The following SMARCC2 variants were observed in gnomAD, a reference collection of about 807,000 sequenced individuals.
SMARCC2 encodes the protein SWI/SNF related BAF chromatin remodeling complex subunit C2.
In SMARCC2, 15 loss-of-function variants were observed where a neutral mutation model predicts 151.3. That is an observed-to-expected ratio of 0.10 (90% confidence interval 0.07 to 0.15). SMARCC2 has a LOEUF of 0.15. SMARCC2 is among the 10% of genes least tolerant of loss of function. The probability of loss-of-function intolerance (pLI) is 1.00; values close to 1 mark genes in which losing one functional copy is unlikely to be tolerated. For synonymous variants in SMARCC2, 590 were observed against 609.5 expected, an observed-to-expected ratio of 0.97 and a Z score of 0.47; for missense variants, 1,031 against 1,599.7, an observed-to-expected ratio of 0.64 and a Z score of 6.06.
rs552827280 is a variant in SMARCC2 at position 56,162,614 on chromosome 12, C to T, written c.*1075G>A. The T allele has an allele frequency of 7.0e-5, 25 of 358,720 alleles. No homozygotes were observed. Among genetic ancestry groups the T allele is most frequent in the Middle Eastern group, 1.6e-3 (2 of 1,224 alleles). 22.2% of individuals were successfully genotyped at this position (358,720 alleles called of 1,614,324 possible). A position where few individuals can be genotyped will look rare whatever the true frequency, so the allele number is the denominator to read the frequency against. On this transcript the variant is annotated 3_prime_UTR_variant, in exon 29 of 29. Transcript: ENST00000550164. ...GAATGCGGGAAGCAGAGTTGAGCTG[C>T]GAGCCAAGGGTTGGTCCAACCCAAG...
At chr12:56,183,382 G>A (rs1409731717) in intron 7 of SMARCC2, 3 of 151,250 alleles carry the variant, frequency 2.0e-5, no homozygotes, top group Non-Finnish European at 4.4e-5. Context: ...TGGCCAGGCT[G>A]GTCTCGAACT....
At position 56,171,500 on chromosome 12, in the gene SMARCC2, G is replaced by T; in HGVS notation, c.2186-68C>A. 2 of 1,595,882 alleles carry T rather than the reference G, an allele frequency of 1.3e-6. No homozygotes were observed. The highest frequency in any genetic ancestry group is 2.2e-5 in the South Asian group (2 of 90,110). ...AACAGTTCTGGCAATCCCTGCAAAA[G>T]CTTACTCACAAGCCCATGTCTTCAT... On this transcript the variant is annotated intron_variant, in intron 21 of 28. Transcript: ENST00000550164. The surrounding 1 kb of genome is among the most constrained non-coding windows in gnomAD (Gnocchi z 4.2).
chr12:56,181,929 CCT>C, intron 8 of SMARCC2, 73 bp downstream of exon 8: 1 of 1,590,330 alleles, frequency 6.3e-7, no homozygotes, highest in Non-Finnish European at 8.6e-7. Context: ...GGCATACAAG[CCT>C]CTGTTTCACT....
rs1184297832 is a variant in SMARCC2 at position 56,181,075 on chromosome 12, T to C, written c.983A>G (p.Lys328Arg). 3 of 1,613,872 alleles carry C rather than the reference T, an allele frequency of 1.9e-6. No homozygotes were observed. The highest frequency in any genetic ancestry group is 2.2e-5 in the South Asian group (2 of 91,056). Residue 328 changes from lysine (K) to arginine (R), a missense_variant, in exon 11 of 29, where the codon AAG becomes AGG. Physicochemically the swap from Lys to Arg is conservative, Grantham distance 26. This residue lies in a region of SMARCC2 where 127 missense variants were observed against 141.7 expected (regional missense o/e 0.90). Transcript: ENST00000550164. ...TTGCTCCTCTTCTCTGTGGCCACGC[T>C]TTGACTTAGTGTAAGGTGTTGAGGG... ...KGPSTPYTKS[K>R]RGHREEEQED...
intron 13 of SMARCC2, 102 bp downstream of exon 13, chr12:56,178,708 C>T: frequency 6.8e-7 from 1 of 1,460,478 alleles, no homozygotes; most frequent in Non-Finnish European, 9.6e-7. Flanking sequence ...AATTAGTCTA[C>T]AGTGGGTAAA....
intron 20 of SMARCC2, 90 bp from the exon 21 acceptor site, chr12:56,172,027 C>T: frequency 1.6e-6 from 2 of 1,238,568 alleles, no homozygotes; most frequent in Non-Finnish European, 2.3e-6. Context: ...CAGCTGGTTT[C>T]AAAGTTCTCT....
At chr12:56,186,667 T>A in intron 2 of SMARCC2, 1 of 208,822 alleles carries the variant, frequency 4.8e-6, no homozygotes, top group Non-Finnish European at 9.8e-6. Flanking sequence ...TGAAATTCTT[T>A]AACCCTTGTG....
chr12:56,174,504 T>C (rs889237478), intron 16 of SMARCC2, 147 bp downstream of exon 16: 4 of 607,238 alleles, frequency 6.6e-6, no homozygotes, highest in Non-Finnish European at 1.2e-5. Flanking sequence ...AAGTCATTCA[T>C]TCCCCAAACC....
chr12:56,171,674 A>G lies in SMARCC2; in HGVS notation c.2185+5T>C. On this transcript the variant is annotated splice_donor_5th_base_variant and intron_variant, in intron 21 of 28. Coordinates refer to ENST00000550164, the MANE Select transcript of SMARCC2 (RefSeq NM_001330288.2). This position sits in a 1 kb window ranked among gnomAD's most constrained non-coding sequence, Gnocchi z 4.2. The stretch of plus-strand genomic sequence containing the variant: ...AGGCCAGGTGGAACCACCCACCCCC[A>G]TTACCTAGGGCTGACTTTGCAGCAG... 1 of 1,534,468 alleles carries G rather than the reference A, an allele frequency of 6.5e-7. No individual in the cohort carries two copies. Among genetic ancestry groups the G allele is most frequent in the South Asian group, 1.3e-5 (1 of 77,682 alleles).
At chr12:56,178,155 G>A in intron 14 of SMARCC2, 62 bp from the exon 15 acceptor site, 5 of 1,358,404 alleles carry the variant, frequency 3.7e-6, no homozygotes, top group Middle Eastern at 2.2e-4. Flanking sequence ...GGGCCCCAAA[G>A]GGAGGAAAAG....
rs750281136 is a variant in SMARCC2, at chr12:56,186,277, T to G, written c.232-37A>C. 9.2e-6 allele frequency: 12 copies of G among 1,300,144 alleles called. No individual in the cohort carries two copies. In the Admixed American group the frequency reaches 1.7e-4, roughly 18 times the overall value. 80.5% of individuals were successfully genotyped at this position (1,300,144 alleles called of 1,614,324 possible). A position where few individuals can be genotyped will look rare whatever the true frequency, so the allele number is the denominator to read the frequency against. On this transcript the variant is annotated intron_variant, in intron 2 of 28. Coordinates refer to ENST00000550164, the MANE Select transcript of SMARCC2 (RefSeq NM_001330288.2). ...AGATACGGAAAAAGCATGTCAAGGT[T>G]CCACTGTAAATTCTCTCATCACTTA...
intron 15 of SMARCC2, 99 bp from the exon 16 acceptor site, chr12:56,174,863 T>A (rs560976700): frequency 1.7e-5 from 13 of 752,416 alleles, no homozygotes; most frequent in African/African-American, 3.5e-5. Flanking sequence ...TTCTCCTGCA[T>A]GATAAAGATG....
intron 7 of SMARCC2, among the ~76,000 whole-genome samples, chr12:56,182,792 G>A: frequency 7.3e-6 from 1 of 136,776 alleles, no homozygotes; most frequent in Admixed American, 7.3e-5. Context: ...AACCATACTA[G>A]ATGATGTTTT....
At chr12:56,186,261 A>G in intron 2 of SMARCC2, 21 bp from the exon 3 acceptor site, 1 of 1,485,662 alleles carries the variant, frequency 6.7e-7, no homozygotes, top group South Asian at 1.1e-5. Flanking sequence ...AAGATACGGA[A>G]AAAGCATGTC....
In SMARCC2 at chr12:56,163,719, G is replaced by C. The variant is rs753538891; in HGVS notation, c.3708C>G (p.Gly1236=). 4.0e-6 allele frequency: 6 copies of C among 1,508,098 alleles called. No homozygotes were observed. In the African/African-American group the frequency reaches 7.4e-5, roughly 19 times the overall value. 93.4% of individuals were successfully genotyped at this position (1,508,098 alleles called of 1,614,324 possible). Residue 1236 remains glycine (G), a synonymous_variant, in exon 29 of 29, where the codon GGC becomes GGG. Coordinates refer to ENST00000550164, the MANE Select transcript of SMARCC2 (RefSeq NM_001330288.2). The part of the protein sequence containing the change: ...LPPDPTAPSP[G]TVTPVPPPQ ...GTGGAGGTGGCACAGGGGTGACCGT[G>C]CCTGGGCTCGGGGCTGTGGGGTCTG...
intron 15 of SMARCC2, among the ~76,000 whole-genome samples, chr12:56,176,592 C>T (rs1429271457): frequency 1.3e-5 from 2 of 151,974 alleles, no homozygotes; most frequent in African/African-American, 2.4e-5. Flanking sequence ...ATTCTCCTGC[C>T]TCAGCCTCCC....
chr12:56,164,357 C>T lies in SMARCC2; in HGVS notation c.3607G>A (p.Ala1203Thr), dbSNP rs778975678. ...TTGCCCTGAACAGCTGCCACAATGG[C>T]AGGGCTTTGGGCTGCGGCGGATCCG... ...GLGSAAAQSP[A>T]IVAAVQGNLL... The change falls in exon 28 of 29, where the codon GCC becomes ACC. Residue 1203 changes from alanine (A) to threonine (T), a missense_variant. By Grantham distance (58) the Ala-to-Thr change is moderately conservative. Coordinates refer to ENST00000550164, the MANE Select transcript of SMARCC2 (RefSeq NM_001330288.2). 1.2e-6 allele frequency: 2 copies of T among 1,613,726 alleles called. No individual in the cohort carries two copies. Among genetic ancestry groups the T allele is most frequent in the Non-Finnish European group, 1.7e-6 (2 of 1,180,018 alleles).
At position 56,187,310 on chromosome 12, in the gene SMARCC2, AG is replaced by A; in HGVS notation, c.112-5del. On this transcript the variant is annotated splice_region_variant and splice_polypyrimidine_tract_variant and intron_variant, in intron 1 of 28. Coordinates refer to ENST00000550164, the MANE Select transcript of SMARCC2 (RefSeq NM_001330288.2). ...TGGGTGGTTCAGCTTGTATATACTA[AG>A]GAAAAAGAGGGAAAGGAAAGAAAAA... 6.2e-7 allele frequency: 1 copy of A among 1,609,042 alleles called. No homozygotes were observed. The highest frequency in any genetic ancestry group is 8.5e-7 in the Non-Finnish European group (1 of 1,176,564).
chr12:56,170,967 G>A (rs981688069), intron 22 of SMARCC2, among the ~76,000 whole-genome samples: 13 of 150,214 alleles, frequency 8.7e-5, no homozygotes, highest in African/African-American at 2.4e-4. Context: ...TCCCGACCTC[G>A]TGATCCACCC....
Sources: allele counts gnomAD v4.1 joint callset (sites outside exome capture counted in the v4.1 genomes callset), GRCh38; gene constraint gnomAD v4.1.1; regional missense constraint gnomAD v4.1.1; non-coding constraint Gnocchi (gnomAD v3.1); transcripts MANE v1.5; gene names NCBI Gene and HGNC (gene_info 2026-07-23, HGNC 2026-07-21).